The following CHD7 variants were observed in gnomAD, a reference collection of about 807,000 sequenced individuals.
CHD7 encodes the protein chromodomain helicase DNA binding protein 7.
In CHD7, 24 loss-of-function variants were observed where a neutral mutation model predicts 307.3. The ratio of observed to expected loss-of-function variants is 0.08; its 90% CI spans 0.06 to 0.11. The LOEUF (loss-of-function observed/expected upper bound fraction) is 0.11, where lower values mean the gene tolerates loss of function less well. Among genes scored for constraint, CHD7 ranks in the 10% least tolerant of loss-of-function variants. CHD7 has a pLI of 1.00. For synonymous variants in CHD7, 1,363 were observed against 1,349.9 expected, an observed-to-expected ratio of 1.01 and a Z score of -0.21; for missense variants, 3,106 against 3,727.1, an observed-to-expected ratio of 0.83 and a Z score of 4.34.
At chr8:60,716,064 C>T (rs114848132) in intron 1 of CHD7, among the ~76,000 whole-genome samples, 3 of 152,336 alleles carry the variant, frequency 2.0e-5, no homozygotes, top group Admixed American at 6.5e-5. Flanking sequence ...TCCTCCTTGA[C>T]TCTTTCACAA....
intron 3 of CHD7, among the ~76,000 whole-genome samples, chr8:60,783,405 C>G (rs908075261): frequency 1.3e-5 from 2 of 152,016 alleles, no homozygotes; most frequent in Non-Finnish European, 2.9e-5. Context: ...AAATATAGAC[C>G]CTGTGTTTAT....
At position 60,865,085 on chromosome 8, in the gene CHD7, A is replaced by G; in HGVS notation, c.8146A>G (p.Arg2716Gly). The G allele has an allele frequency of 6.2e-7, 1 of 1,610,344 alleles. No individual in the cohort carries two copies. Among genetic ancestry groups the G allele is most frequent in the Non-Finnish European group, 8.5e-7 (1 of 1,178,286 alleles). Residue 2716 changes from arginine to glycine, a missense_variant, in exon 38 of 38, where the codon AGA becomes GGA. Physicochemically the swap from Arg to Gly is moderately radical, Grantham distance 125. Coordinates refer to ENST00000423902, the MANE Select transcript of CHD7 (RefSeq NM_017780.4). The surrounding 1 kb of genome is among the most constrained non-coding windows in gnomAD (Gnocchi z 4.3). The stretch of plus-strand genomic sequence containing the variant: ...TGTAGTGCGGGGAGAGGGAGCGAGC[A>G]GAAGAGGAAGAAGGCCCAAAAGTGA... ...GPVVRGEGAS[R>G]RGRRPKSEIA...
At chr8:60,799,075 A>G (rs1812169447) in intron 4 of CHD7, among the ~76,000 whole-genome samples, 1 of 152,246 alleles carries the variant, frequency 6.6e-6, no homozygotes, top group Non-Finnish European at 1.5e-5. Context: ...TCATTGAGGC[A>G]TAGAGAAGTA....
At position 60,841,988 on chromosome 8, in the gene CHD7, G is replaced by T. The variant is rs1165056483; in HGVS notation, c.4786G>T (p.Asp1596Tyr). ...KPCAKPRRPQ[D>Y]KSQGYARSEC... ...CTGTGCAAAGCCACGGCGTCCCCAGGATAAGTCACAGGGCTATGCAAGGAG... is the reference window on the plus strand; with the variant it reads ...CTGTGCAAAGCCACGGCGTCCCCAGTATAAGTCACAGGGCTATGCAAGGAG... The change falls in exon 21 of 38, where the codon GAT becomes TAT. Residue 1596 changes from aspartate to tyrosine, a missense_variant. By Grantham distance (160) the Asp-to-Tyr change is radical. Transcript: ENST00000423902. 1 of 1,613,802 alleles carries T rather than the reference G, an allele frequency of 6.2e-7. No homozygotes were observed. Among genetic ancestry groups the T allele is most frequent in the African/African-American group, 1.3e-5 (1 of 74,936 alleles).
At chr8:60,718,203 G>A (rs113337653) in intron 1 of CHD7, among the ~76,000 whole-genome samples, 243 of 152,242 alleles carry the variant, frequency 1.6e-3, no homozygotes, top group African/African-American at 5.4e-3. Context: ...GAAGTTGGTC[G>A]CGGTAGCTCA....
chr8:60,732,293 CAGTT>C lies in CHD7; in HGVS notation c.-174-8960_-174-8957del, dbSNP rs531894207. Among the ~76,000 whole-genome samples the C allele has an allele frequency of 4.0e-3, 614 of 152,308 alleles. 4 individuals are homozygous for C. Among genetic ancestry groups the C allele is most frequent in the African/African-American group, 0.011 (468 of 41,564 alleles). Reference sequence around the variant, plus strand: ...AGAAGAATGTAGGAAATTGCCAAATCAGTTAGTTAATCAGTGACAACTGCAGTCA... The same window carrying C: ...AGAAGAATGTAGGAAATTGCCAAATCAGTTAATCAGTGACAACTGCAGTCA... On this transcript the variant is annotated intron_variant, in intron 1 of 37. Transcript: ENST00000423902.
intron 1 of CHD7, among the ~76,000 whole-genome samples, chr8:60,689,800 A>G (rs1343471793): frequency 6.6e-6 from 1 of 152,216 alleles, no homozygotes; most frequent in Non-Finnish European, 1.5e-5. Context: ...GTAGTGCTCT[A>G]ACCCTGTTTT....
chr8:60,698,422 T>C (rs994838753), intron 1 of CHD7, among the ~76,000 whole-genome samples: 7 of 152,170 alleles, frequency 4.6e-5, no homozygotes, highest in African/African-American at 1.7e-4. Context: ...TATAAAATGA[T>C]AGCAATTTAA....
intron 1 of CHD7, among the ~76,000 whole-genome samples, chr8:60,705,612 G>A (rs916399358): frequency 2.0e-5 from 3 of 152,198 alleles, no homozygotes; most frequent in Non-Finnish European, 2.9e-5. Flanking sequence ...AATGTTACCA[G>A]TTTAATTTAT....
chr8:60,753,549 A>C (rs1190187275), intron 2 of CHD7, among the ~76,000 whole-genome samples: 2 of 152,114 alleles, frequency 1.3e-5, no homozygotes, highest in Non-Finnish European at 2.9e-5. Flanking sequence ...ACAAACAACA[A>C]CAGTAAGAGA....
In CHD7 at chr8:60,787,334, GC is replaced by G. The variant is rs141514511; in HGVS notation, c.2096+5906del. 5.3e-3 allele frequency among the ~76,000 whole-genome samples: 805 copies of G among 152,276 alleles called. 12 individuals are homozygous for G. Among genetic ancestry groups the G allele is most frequent in the African/African-American group, 0.018 (750 of 41,542 alleles). On this transcript the variant is annotated intron_variant, in intron 3 of 37. Coordinates refer to ENST00000423902, the MANE Select transcript of CHD7 (RefSeq NM_017780.4). ...TGAATCTAGGGAGGGGGTTCTGACT[GC>G]CAGAGTCCCCCTTCCTACTTCATAG... is the stretch of plus-strand genomic sequence containing the variant.
intron 15 of CHD7, among the ~76,000 whole-genome samples, chr8:60,832,870 C>T (rs1292626189): frequency 6.6e-6 from 1 of 152,204 alleles, no homozygotes; most frequent in Admixed American, 6.5e-5. Context: ...CTCCCTAAGG[C>T]TTGGCAGATG....
At chr8:60,786,563 C>T (rs1402293601) in intron 3 of CHD7, among the ~76,000 whole-genome samples, 6 of 124,906 alleles carry the variant, frequency 4.8e-5, no homozygotes, top group Admixed American at 1.6e-4. Flanking sequence ...TTCCACTGCA[C>T]CTATCAAATG....
chr8:60,806,210 A>G (rs1162949458), intron 6 of CHD7, among the ~76,000 whole-genome samples: 1 of 152,150 alleles, frequency 6.6e-6, no homozygotes, highest in Admixed American at 6.5e-5. Context: ...AAAATACAAA[A>G]AAAATTAGCC....
Position 60,865,547 on chromosome 8 carries a change from G to A in CHD7, c.8608G>A (p.Ala2870Thr). ...AGATGCTGTTTCGGCTGCTGACTCT[G>A]CGAATGGATCTGTTGGTGCTGCTAC... Reference protein sequence around the residue: ...STDAVSAADSANGSVGAATAP... With the variant: ...STDAVSAADSTNGSVGAATAP... Residue 2870 changes from alanine (A) to threonine (T), a missense_variant, in exon 38 of 38, where the codon GCG (alanine) becomes ACG (threonine). By Grantham distance (58) the Ala-to-Thr change is moderately conservative (BLOSUM62 0). This residue lies in a region of CHD7 where 351 missense variants were observed against 366.2 expected (regional missense o/e 0.96). Coordinates refer to ENST00000423902, the MANE Select transcript of CHD7 (RefSeq NM_017780.4). This position sits in a 1 kb window ranked among gnomAD's most constrained non-coding sequence, Gnocchi z 4.3. 6.2e-7 allele frequency: 1 copy of A among 1,613,978 alleles called. No homozygotes were observed. The highest frequency in any genetic ancestry group is 2.2e-5 in the East Asian group (1 of 44,898).
intron 6 of CHD7, among the ~76,000 whole-genome samples, chr8:60,807,277 C>T (rs1812580340): frequency 6.6e-6 from 1 of 152,194 alleles, no homozygotes. Context: ...ACCCTCAAGG[C>T]AGGCTTGGGG....
At chr8:60,783,406 C>G (rs960872173) in intron 3 of CHD7, among the ~76,000 whole-genome samples, 1 of 152,136 alleles carries the variant, frequency 6.6e-6, no homozygotes, top group Non-Finnish European at 1.5e-5. Flanking sequence ...AATATAGACC[C>G]TGTGTTTATC....
At chr8:60,749,063 A>G (rs1809490075) in intron 2 of CHD7, among the ~76,000 whole-genome samples, 1 of 151,820 alleles carries the variant, frequency 6.6e-6, no homozygotes, top group South Asian at 2.1e-4. Context: ...AGATTCTTTA[A>G]GTTTACCCAG....
intron 4 of CHD7, among the ~76,000 whole-genome samples, 191 bp from the exon 5 acceptor site, chr8:60,800,197 A>AT (rs1563611454): frequency 6.6e-6 from 1 of 151,392 alleles, no homozygotes; most frequent in African/African-American, 2.4e-5. Context: ...CGCCCGGCTA[A>AT]TTTTTTTTGT....
Sources: allele counts gnomAD v4.1 joint callset (sites outside exome capture counted in the v4.1 genomes callset), GRCh38; gene constraint gnomAD v4.1.1; regional missense constraint gnomAD v4.1.1; non-coding constraint Gnocchi (gnomAD v3.1); transcripts MANE v1.5; gene names NCBI Gene and HGNC (gene_info 2026-07-23, HGNC 2026-07-21).